FRMPD3: variants seen among roughly 807,000 people sequenced by gnomAD.
FRMPD3 encodes FERM and PDZ domain containing 3, also known as FERM and PDZ domain-containing protein 3.
A neutral mutation model predicts 97.9 loss-of-function variants in FRMPD3; 42 were observed. The ratio of observed to expected loss-of-function variants is 0.43; its 90% CI spans 0.34 to 0.55. FRMPD3 has a LOEUF of 0.55. Among genes scored for constraint, FRMPD3 ranks in the 20% least tolerant of loss-of-function variants. FRMPD3 has a pLI of 0.03. For synonymous variants in FRMPD3, 577 were observed against 581.1 expected (o/e 0.99, Z 0.10); for missense variants, 1,303 against 1,457.7 (o/e 0.89, Z 1.73).
At chrX:107,455,757 T>G (rs930010784) in intron 1 of FRMPD3, among the ~76,000 whole-genome samples, 2 of 111,883 alleles carry the variant, frequency 1.8e-5, no homozygotes, top group African/African-American at 6.5e-5. Flanking sequence ...TCATAAAACA[T>G]TTATTGAGCA....
At chrX:107,560,894 A>G (rs148778832) in intron 10 of FRMPD3, 41 bp downstream of exon 10, 18 of 1,153,597 alleles carry the variant, frequency 1.6e-5, no homozygotes, top group African/African-American at 1.4e-4. Context: ...TCCAGGCACT[A>G]CTGGCCACAG....
chrX:107,473,425 C>T (rs1276962996), intron 1 of FRMPD3, among the ~76,000 whole-genome samples: 2 of 110,800 alleles, frequency 1.8e-5, no homozygotes, highest in Admixed American at 9.5e-5. Context: ...TTTGCCTTTG[C>T]GGGCACGGAA....
chrX:107,499,702 A>T (rs1489265407), intron 1 of FRMPD3, among the ~76,000 whole-genome samples: 1 of 112,409 alleles, frequency 8.9e-6, no homozygotes, highest in African/African-American at 3.2e-5. Flanking sequence ...GTGTACATAT[A>T]CTCATTTAAC....
intron 4 of FRMPD3, among the ~76,000 whole-genome samples, chrX:107,535,711 A>G (rs918940387): frequency 2.1e-4 from 23 of 108,931 alleles, no homozygotes; most frequent in Non-Finnish European, 3.6e-4. Context: ...AACAAAAACT[A>G]TGTGCAATAG....
chrX:107,539,000 G>C (rs2044938878), intron 4 of FRMPD3, among the ~76,000 whole-genome samples: 1 of 111,657 alleles, frequency 9.0e-6, no homozygotes, highest in African/African-American at 3.3e-5. Flanking sequence ...ATAACCATCT[G>C]AGAAGCTCTG....
chrX:107,524,470 A>T (rs1922616751), intron 1 of FRMPD3, among the ~76,000 whole-genome samples: 1 of 112,518 alleles, frequency 8.9e-6, no homozygotes. Flanking sequence ...GACAGACTCC[A>T]AGCCAGTGTG....
intron 1 of FRMPD3, among the ~76,000 whole-genome samples, chrX:107,454,842 A>T (rs1931349722): frequency 9.2e-6 from 1 of 109,090 alleles, no homozygotes; most frequent in Non-Finnish European, 1.9e-5. Context: ...ATGTGTCTTA[A>T]AATTGCTTGA....
Position 107,602,027 on chromosome X carries a change from C to G in FRMPD3, c.3988C>G (p.Pro1330Ala), listed in dbSNP as rs1924543590. 8.5e-7 allele frequency: 1 copy of G among 1,179,782 alleles called. No individual in the cohort carries two copies. Among genetic ancestry groups the G allele is most frequent in the East Asian group, 3.0e-5 (1 of 33,548 alleles). ...GGGGAGGGAAAGGGACAGAGTCCTC[C>G]CTAGCCAGAGGCAGCCAGAGGCTGG... is the stretch of plus-strand genomic sequence containing the variant. ...LRGRERDRVL[P>A]SQRQPEAGPG... Residue 1330 changes from proline (P) to alanine (A), a missense_variant, in exon 15 of 15, where the codon CCT becomes GCT. Physicochemically the swap from Pro to Ala is conservative, Grantham distance 27. This residue lies in a region of FRMPD3 where 764 missense variants were observed against 820.2 expected (regional missense o/e 0.93). Coordinates refer to ENST00000683843, the MANE Select transcript of FRMPD3 (RefSeq NM_001388459.1).
intron 1 of FRMPD3, among the ~76,000 whole-genome samples, chrX:107,450,359 G>T (rs948093142): frequency 9.0e-6 from 1 of 111,343 alleles, no homozygotes; most frequent in South Asian, 3.8e-4. Context: ...CTGGCGAGAC[G>T]CGGGGCCTGG....
At chrX:107,510,154 T>C (rs906814545) in intron 1 of FRMPD3, among the ~76,000 whole-genome samples, 9 of 111,524 alleles carry the variant, frequency 8.1e-5, no homozygotes, top group Admixed American at 5.7e-4. Context: ...ACCTGAATAC[T>C]TAGGGAATGG....
intron 4 of FRMPD3, among the ~76,000 whole-genome samples, chrX:107,537,272 C>G (rs747074684): frequency 8.9e-6 from 1 of 111,960 alleles, no homozygotes; most frequent in Non-Finnish European, 1.9e-5. Flanking sequence ...CTTTGCCTGA[C>G]TAATCTCAAT....
At chrX:107,573,209 C>A (rs1389784771) in intron 12 of FRMPD3, among the ~76,000 whole-genome samples, 1 of 111,669 alleles carries the variant, frequency 9.0e-6, no homozygotes, top group African/African-American at 3.3e-5. Flanking sequence ...CTCACAAGTA[C>A]CTTGAGGAGT....
At chrX:107,566,130 C>T (rs1922592497) in intron 12 of FRMPD3, among the ~76,000 whole-genome samples, 1 of 112,844 alleles carries the variant, frequency 8.9e-6, no homozygotes, top group African/African-American at 3.2e-5. Context: ...CAGCCACCCC[C>T]TCCACAGCTC....
rs774390247 is a variant in FRMPD3 at position 107,483,446 on chromosome X, C to G, written c.-8+33441C>G. On this transcript the variant is annotated intron_variant, in intron 1 of 14. Coordinates refer to ENST00000683843, the MANE Select transcript of FRMPD3 (RefSeq NM_001388459.1). ...CCCCACTGAGGCTCTTCCAGTGTAC[C>G]CTGGACCCAGGCTGAGACCTTTTGT... Among the ~76,000 whole-genome samples the G allele has an allele frequency of 1.4e-4, 16 of 112,285 alleles. No individual in the cohort carries two copies. The South Asian group carries it at 6.0e-3, about 42-fold the overall frequency.
At chrX:107,549,941 C>A in intron 5 of FRMPD3, 108 bp from the exon 6 acceptor site, 1 of 520,575 alleles carries the variant, frequency 1.9e-6, no homozygotes, top group Non-Finnish European at 3.4e-6. Context: ...ACACCTTTGG[C>A]TCTCTGTCTC....
intron 13 of FRMPD3, among the ~76,000 whole-genome samples, chrX:107,585,776 A>G (rs185853285): frequency 3.0e-3 from 338 of 112,409 alleles, no homozygotes; most frequent in Admixed American, 0.011. Flanking sequence ...CCAGCCTTGC[A>G]TCCCAGGGAT....
rs1257867649 is a variant in FRMPD3, at chrX:107,600,975, C to T, written c.2936C>T (p.Pro979Leu). ...ACTGCTGGTGGGGCTTTGGGGAACC[C>T]CCCCAGCAGGGGTGAGAGAAGGCTG... ...LVTAGGALGN[P>L]PSRGERRLEA... Residue 979 changes from proline to leucine, a missense_variant, in exon 15 of 15, where the codon CCC becomes CTC. Pro to Leu is a moderately conservative substitution (Grantham distance 98). Transcript: ENST00000683843. 1 of 1,208,395 alleles carries T rather than the reference C, an allele frequency of 8.3e-7. No individual in the cohort carries two copies. Among genetic ancestry groups the T allele is most frequent in the South Asian group, 1.8e-5 (1 of 56,371 alleles).
chrX:107,567,237 C>T (rs181645192), intron 12 of FRMPD3, among the ~76,000 whole-genome samples: 5 of 111,542 alleles, frequency 4.5e-5, no homozygotes, highest in South Asian at 7.7e-4. Flanking sequence ...CCTCCCAAGT[C>T]GGCCTCCCAA....
Position 107,602,936 on chromosome X carries a change from C to T in FRMPD3, c.4897C>T (p.Leu1633Phe). ...QISEYKLELA[L>F]KFKELRASCR... ...CTCCGAGTATAAGCTTGAGCTAGCT[C>T]TCAAGTTCAAGGAGCTCCGGGCCTC... is the stretch of plus-strand genomic sequence containing the variant. Residue 1633 changes from leucine (L) to phenylalanine (F), a missense_variant, in exon 15 of 15, where the codon CTC (leucine) becomes TTC (phenylalanine). Coordinates refer to ENST00000683843, the MANE Select transcript of FRMPD3 (RefSeq NM_001388459.1). 8.3e-7 allele frequency: 1 copy of T among 1,211,375 alleles called. No individual in the cohort carries two copies. The highest frequency in any genetic ancestry group is 1.1e-6 in the Non-Finnish European group (1 of 895,517).
Sources: allele counts gnomAD v4.1 joint callset (sites outside exome capture counted in the v4.1 genomes callset), GRCh38; gene constraint gnomAD v4.1.1; regional missense constraint gnomAD v4.1.1; transcripts MANE v1.5; gene names NCBI Gene and HGNC (gene_info 2026-07-23, HGNC 2026-07-21).